ARB2A: variants seen among roughly 807,000 people sequenced by gnomAD.
The protein encoded by ARB2A is ARB2 cotranscriptional regulator A, also known as cotranscriptional regulator ARB2A.
chr5:93,846,347 A>G, the ARB2A span, among the ~76,000 whole-genome samples: 1 of 151,704 alleles, frequency 6.6e-6, no homozygotes, highest in Non-Finnish European at 1.5e-5. Context: ...CTAAAAAAAA[A>G]AAAAATTAGC....
chr5:94,111,477 C>G, the ARB2A span: 1 of 152,840 alleles, frequency 6.5e-6, no homozygotes, highest in Non-Finnish European at 1.5e-5. Flanking sequence ...GGGCCTGCCC[C>G]CGGAGCTCAC....
the ARB2A span, among the ~76,000 whole-genome samples, chr5:93,943,676 C>A: frequency 1.3e-5 from 2 of 152,052 alleles, no homozygotes; most frequent in African/African-American, 4.8e-5. Flanking sequence ...AAAGATCTTG[C>A]AGTATTTAGT....
At chr5:93,705,200 G>A in the ARB2A span, among the ~76,000 whole-genome samples, 1 of 152,206 alleles carries the variant, frequency 6.6e-6, no homozygotes, top group African/African-American at 2.4e-5. Context: ...GCAAGTGGGA[G>A]ATTTGGCTTA....
the ARB2A span, among the ~76,000 whole-genome samples, chr5:93,751,103 A>C: frequency 6.6e-6 from 1 of 152,152 alleles, no homozygotes; most frequent in African/African-American, 2.4e-5. Flanking sequence ...CATTTATAGA[A>C]ATCATTGCTA....
chr5:93,985,622 G>A, the ARB2A span, among the ~76,000 whole-genome samples: 2 of 152,234 alleles, frequency 1.3e-5, no homozygotes, highest in South Asian at 2.1e-4. Context: ...ACGGGGTTTC[G>A]CCCTGTTGGC....
At chr5:93,922,810 C>T in the ARB2A span, among the ~76,000 whole-genome samples, 5 of 151,988 alleles carry the variant, frequency 3.3e-5, no homozygotes, top group Non-Finnish European at 7.4e-5. Context: ...GACAACGTGG[C>T]GGAAGCTTTC....
the ARB2A span, among the ~76,000 whole-genome samples, chr5:93,673,390 T>C: frequency 6.6e-6 from 1 of 152,266 alleles, no homozygotes; most frequent in African/African-American, 2.4e-5. Context: ...TCTTTTTTTT[T>C]TCTCTCTCTT....
chr5:93,926,091 G>C, the ARB2A span, among the ~76,000 whole-genome samples: 16,084 of 151,710 alleles, frequency 0.11, 980 homozygotes, highest in Middle Eastern at 0.16. Context: ...TATGAATGGG[G>C]AATAATTTTT....
the ARB2A span, among the ~76,000 whole-genome samples, chr5:93,669,156 ATTCC>A: frequency 6.1e-4 from 93 of 152,358 alleles, no homozygotes; most frequent in Admixed American, 3.2e-3. Flanking sequence ...CCACTGCTGT[ATTCC>A]CCACACCATA....
chr5:93,741,209 T>A, the ARB2A span: 1 of 1,613,908 alleles, frequency 6.2e-7, no homozygotes, highest in Middle Eastern at 1.6e-4. Context: ...ATGCCCGAGA[T>A]GTCCTCTGGC....
At chr5:93,740,862 C>T in the ARB2A span, 1 of 1,614,006 alleles carries the variant, frequency 6.2e-7, no homozygotes, top group Non-Finnish European at 8.5e-7. Flanking sequence ...GGGGTGTGGG[C>T]TTAGGGCACC....
chr5:93,642,684 TA>T, the ARB2A span, among the ~76,000 whole-genome samples: 1 of 151,892 alleles, frequency 6.6e-6, no homozygotes, highest in South Asian at 2.1e-4. Flanking sequence ...CCCAGCTAAT[TA>T]AAAAAAATTT....
At chr5:93,978,173 AAGTT>A in the ARB2A span, among the ~76,000 whole-genome samples, 156 of 152,302 alleles carry the variant, frequency 1.0e-3, no homozygotes, top group African/African-American at 3.1e-3. Context: ...GTGGGAATGT[AAGTT>A]AGTTAGCCCC....
At chr5:93,741,679 CA>C in the ARB2A span, 31 of 1,263,432 alleles carry the variant, frequency 2.5e-5, no homozygotes, top group Non-Finnish European at 3.3e-5. Context: ...CGTTACAAGC[CA>C]AGGGTGCCTG....
chr5:93,934,042 A>T, the ARB2A span, among the ~76,000 whole-genome samples: 1 of 152,064 alleles, frequency 6.6e-6, no homozygotes, highest in Non-Finnish European at 1.5e-5. Flanking sequence ...GGCAAACTGG[A>T]GAGAAAATAT....
At chr5:93,716,693 CAAAAAAAAA>C in the ARB2A span, among the ~76,000 whole-genome samples, 5 of 36,684 alleles carry the variant, frequency 1.4e-4, no homozygotes, top group South Asian at 1.6e-3. Context: ...ATAAGCTGTG[CAAAAAAAAA>C]AAAAAAAAAA....
At chr5:93,997,635 T>C in the ARB2A span, among the ~76,000 whole-genome samples, 1 of 151,996 alleles carries the variant, frequency 6.6e-6, no homozygotes, top group Admixed American at 6.6e-5. Flanking sequence ...TGGAAAAAGT[T>C]ATGGCTGTGT....
the ARB2A span, among the ~76,000 whole-genome samples, chr5:93,820,822 A>G: frequency 6.6e-6 from 1 of 152,120 alleles, no homozygotes; most frequent in Non-Finnish European, 1.5e-5. Flanking sequence ...ATCAAAATTT[A>G]TTTTTACTAG....
chr5:93,992,953 A>G, the ARB2A span, among the ~76,000 whole-genome samples: 2 of 152,210 alleles, frequency 1.3e-5, no homozygotes, highest in East Asian at 3.9e-4. Context: ...AACAGGAAAA[A>G]AATGGTCTTT....
Sources: allele counts gnomAD v4.1 joint callset (sites outside exome capture counted in the v4.1 genomes callset), GRCh38; gene constraint gnomAD v4.1.1; transcripts MANE v1.5; gene names NCBI Gene and HGNC (gene_info 2026-07-23, HGNC 2026-07-21).